PLPPR1: variants seen among roughly 807,000 people sequenced by gnomAD.
The protein encoded by PLPPR1 is phospholipid phosphatase related 1.
A neutral mutation model predicts 33.1 loss-of-function variants in PLPPR1; 10 were observed. The observed-to-expected ratio is 0.30, with a 90% CI of 0.19 to 0.51. The LOEUF is 0.51. PLPPR1 is among the 20% of genes least tolerant of loss of function. PLPPR1 has a pLI of 0.97. For synonymous variants in PLPPR1, 151 were observed against 151.0 expected (o/e 1.00, Z 0.00); for missense variants, 304 against 408.1 (o/e 0.74, Z 2.20).
At chr9:101,300,150 G>A (rs1828725148) in intron 4 of PLPPR1, among the ~76,000 whole-genome samples, 1 of 152,086 alleles carries the variant, frequency 6.6e-6, no homozygotes, top group South Asian at 2.1e-4. Flanking sequence ...TTTTTAAAAA[G>A]TAGTGTGTGT....
chr9:101,232,957 C>T (rs1827221447), intron 2 of PLPPR1, among the ~76,000 whole-genome samples: 1 of 151,986 alleles, frequency 6.6e-6, no homozygotes. Context: ...GTGTCTGATC[C>T]TACACTGAAC....
At chr9:101,068,885 GA>G (rs987978881) in intron 1 of PLPPR1, among the ~76,000 whole-genome samples, 2 of 152,128 alleles carry the variant, frequency 1.3e-5, no homozygotes, top group African/African-American at 4.8e-5. Context: ...CAGGGGATAG[GA>G]AAAGGGCTCT....
chr9:101,038,546 G>T (rs563933735), intron 1 of PLPPR1, among the ~76,000 whole-genome samples: 1 of 152,090 alleles, frequency 6.6e-6, no homozygotes. Context: ...AGAAAATTAG[G>T]GTCCATCAAG....
chr9:101,077,797 CG>C (rs1830557875), intron 1 of PLPPR1, among the ~76,000 whole-genome samples: 1 of 151,888 alleles, frequency 6.6e-6, no homozygotes, highest in South Asian at 2.1e-4. Context: ...TTGGGCAAGG[CG>C]GCTCCCTTAG....
intron 1 of PLPPR1, among the ~76,000 whole-genome samples, chr9:101,111,871 G>A (rs1244108422): frequency 6.6e-6 from 1 of 152,046 alleles, no homozygotes; most frequent in Non-Finnish European, 1.5e-5. Context: ...CATTTAGAAA[G>A]GCATATAAAT....
rs547298909 is a variant in PLPPR1, at chr9:101,116,628, G to A, written c.-45-68822G>A. Among the ~76,000 whole-genome samples, 57 of 152,062 alleles carry A rather than the reference G, an allele frequency of 3.7e-4. No individual in the cohort carries two copies. The South Asian group carries it at 0.011, about 29-fold the overall frequency. ...AAGAGATCAAGACCATCCTGGCCAA[G>A]ATGGTGAAACCCCATCTCTACTAAA... is the stretch of plus-strand genomic sequence containing the variant. On this transcript the variant is annotated intron_variant, in intron 1 of 7. Transcript: ENST00000374874.
intron 4 of PLPPR1, among the ~76,000 whole-genome samples, chr9:101,305,226 T>C (rs961173647): frequency 7.9e-5 from 12 of 152,084 alleles, no homozygotes; most frequent in African/African-American, 2.9e-4. Context: ...TGTGCGTGCA[T>C]GTGTGCATGC....
chr9:101,151,988 G>T (rs982873423), intron 1 of PLPPR1, among the ~76,000 whole-genome samples: 1 of 152,140 alleles, frequency 6.6e-6, no homozygotes, highest in Non-Finnish European at 1.5e-5. Context: ...CTTCCACAAT[G>T]GTTGAACTAG....
intron 1 of PLPPR1, among the ~76,000 whole-genome samples, chr9:101,075,662 C>T (rs1188885478): frequency 3.3e-5 from 5 of 152,132 alleles, no homozygotes; most frequent in Non-Finnish European, 7.4e-5. Flanking sequence ...ATCATTTATC[C>T]CCTAGTGCTA....
At chr9:101,110,565 T>G (rs1326417398) in intron 1 of PLPPR1, among the ~76,000 whole-genome samples, 2 of 152,184 alleles carry the variant, frequency 1.3e-5, no homozygotes, top group African/African-American at 4.8e-5. Flanking sequence ...GGACTGTTTT[T>G]ATGAGCCATG....
intron 1 of PLPPR1, among the ~76,000 whole-genome samples, chr9:101,039,465 A>T (rs1040727407): frequency 6.6e-6 from 1 of 152,110 alleles, no homozygotes; most frequent in African/African-American, 2.4e-5. Flanking sequence ...TACAGCTATA[A>T]GGGCTATATC....
In PLPPR1 at chr9:101,100,572, C is replaced by T. The variant is rs78846792; in HGVS notation, c.-46+71470C>T. Among the ~76,000 whole-genome samples, 2,549 of 151,946 alleles carry T rather than the reference C, an allele frequency of 0.017. 137 individuals are homozygous for T. In the South Asian group the frequency reaches 0.19, roughly 12 times the overall value. ...GACCACTAAAATAATATAATTATTA[C>T]GGAAATGTATTTTAGAACACACACT... is the stretch of plus-strand genomic sequence containing the variant. On this transcript the variant is annotated intron_variant, in intron 1 of 7. Coordinates refer to ENST00000374874, the MANE Select transcript of PLPPR1 (RefSeq NM_207299.2).
intron 1 of PLPPR1, among the ~76,000 whole-genome samples, chr9:101,071,209 C>T (rs1025385180): frequency 6.6e-5 from 10 of 152,048 alleles, no homozygotes; most frequent in Admixed American, 3.9e-4. Flanking sequence ...GAAGTAGCAT[C>T]AGCAGGGGAC....
chr9:101,125,534 T>C (rs1831234548), intron 1 of PLPPR1: 1 of 417,540 alleles, frequency 2.4e-6, no homozygotes, highest in Admixed American at 3.0e-5. Context: ...CAGCACCAGA[T>C]TGAAGGGAAT....
chr9:101,089,935 CA>C (rs1200773977), intron 1 of PLPPR1, among the ~76,000 whole-genome samples: 2 of 152,084 alleles, frequency 1.3e-5, no homozygotes, highest in Non-Finnish European at 2.9e-5. Flanking sequence ...ATTAGTACAG[CA>C]AAAATTTATT....
At chr9:101,238,465 A>C (rs1334360801) in intron 2 of PLPPR1, among the ~76,000 whole-genome samples, 4 of 150,708 alleles carry the variant, frequency 2.7e-5, no homozygotes, top group Non-Finnish European at 4.4e-5. Flanking sequence ...AAAGAATGAA[A>C]GAAAGTCTTT....
rs527778581 is a variant in PLPPR1 at position 101,134,729 on chromosome 9, G to A, written c.-45-50721G>A. ...ATGAACTTCAATTGTTCAGTGTATG[G>A]CAAATAACTAAAAGATTTTGGAAGG... On this transcript the variant is annotated intron_variant, in intron 1 of 7. Transcript: ENST00000374874. Among the ~76,000 whole-genome samples, 10 of 152,206 alleles carry A rather than the reference G, an allele frequency of 6.6e-5. No individual in the cohort carries two copies. In the East Asian group the frequency reaches 1.9e-3, roughly 29 times the overall value.
intron 1 of PLPPR1, among the ~76,000 whole-genome samples, chr9:101,142,794 C>G (rs563259842): frequency 6.6e-6 from 1 of 151,962 alleles, no homozygotes; most frequent in Non-Finnish European, 1.5e-5. Flanking sequence ...ACAGGACAGA[C>G]AAAGCCCCTG....
At chr9:101,048,340 C>A (rs1830178745) in intron 1 of PLPPR1, among the ~76,000 whole-genome samples, 1 of 152,160 alleles carries the variant, frequency 6.6e-6, no homozygotes, top group Admixed American at 6.5e-5. Flanking sequence ...CATAAGACAG[C>A]AAAATCCTTG....
Sources: allele counts gnomAD v4.1 joint callset (sites outside exome capture counted in the v4.1 genomes callset), GRCh38; gene constraint gnomAD v4.1.1; transcripts MANE v1.5; gene names NCBI Gene and HGNC (gene_info 2026-07-23, HGNC 2026-07-21).